Variants in LRMDA observed in about 807,000 individuals in gnomAD.
LRMDA encodes leucine-rich melanocyte differentiation-associated protein.
Under a neutral mutation model 29.8 loss-of-function variants are expected in LRMDA, and 18 were observed. The observed-to-expected ratio is 0.60, with a 90% CI of 0.42 to 0.90. The LOEUF is 0.90. Ranked by LOEUF, LRMDA falls within the 40% of genes least tolerant of loss-of-function variation. LRMDA has a pLI of 0.00. For synonymous variants in LRMDA, 125 were observed against 109.4 expected (o/e 1.14, Z -0.89); for missense variants, 273 against 273.9 (o/e 1.00, Z 0.02).
intron 2 of LRMDA, among the ~76,000 whole-genome samples, chr10:75,618,731 G>GA (rs898790046): frequency 6.8e-6 from 1 of 147,486 alleles, no homozygotes; most frequent in Non-Finnish European, 1.5e-5. Context: ...TAGTAAGCTA[G>GA]AAAAAAGAAA....
At chr10:76,000,074 T>C (rs1453577894) in intron 2 of LRMDA, among the ~76,000 whole-genome samples, 1 of 152,178 alleles carries the variant, frequency 6.6e-6, no homozygotes, top group Admixed American at 6.6e-5. Context: ...GGGATTGAAA[T>C]GGAAAGAAAT....
chr10:75,868,656 T>C (rs1845059256), intron 2 of LRMDA, among the ~76,000 whole-genome samples: 1 of 152,244 alleles, frequency 6.6e-6, no homozygotes, highest in South Asian at 2.1e-4. Flanking sequence ...TGATGTTGGC[T>C]GGGCATTCCT....
chr10:76,091,659 C>T (rs920205786), intron 5 of LRMDA, among the ~76,000 whole-genome samples: 1 of 151,988 alleles, frequency 6.6e-6, no homozygotes, highest in East Asian at 1.9e-4. Context: ...CCATGCATCC[C>T]CCTCCCACCA....
intron 2 of LRMDA, among the ~76,000 whole-genome samples, chr10:75,646,659 A>G (rs1017469090): frequency 4.6e-5 from 7 of 152,234 alleles, no homozygotes; most frequent in African/African-American, 1.4e-4. Flanking sequence ...GTAAAAAATA[A>G]TCAGCCCCCT....
In LRMDA at chr10:75,644,140, C is replaced by A. The variant is rs185425300; in HGVS notation, c.131+205646C>A. Among the ~76,000 whole-genome samples the A allele has an allele frequency of 4.3e-3, 660 of 152,216 alleles. 1 individual carries two copies. The highest frequency in any genetic ancestry group is 7.6e-3 in the Admixed American group (117 of 15,300). Reference sequence around the variant, plus strand: ...AACACTTGTAGCTTCCCTCTTATCCCAAGACAGGGATTAAGATAGAATGGA... The same window carrying A: ...AACACTTGTAGCTTCCCTCTTATCCAAAGACAGGGATTAAGATAGAATGGA... On this transcript the variant is annotated intron_variant, in intron 2 of 6. Coordinates refer to ENST00000611255, the MANE Select transcript of LRMDA (RefSeq NM_001305581.2).
chr10:75,669,855 C>G (rs1841869787), intron 2 of LRMDA, among the ~76,000 whole-genome samples: 1 of 152,152 alleles, frequency 6.6e-6, no homozygotes. Context: ...TTATGGTTAG[C>G]AATCCAAAGA....
intron 5 of LRMDA, among the ~76,000 whole-genome samples, chr10:76,138,887 T>C (rs1303298034): frequency 6.6e-6 from 1 of 152,184 alleles, no homozygotes; most frequent in Non-Finnish European, 1.5e-5. Context: ...ATCAAGGAAA[T>C]AATTTTGGCT....
intron 2 of LRMDA, among the ~76,000 whole-genome samples, chr10:75,934,324 G>A (rs1204385140): frequency 6.6e-6 from 1 of 152,102 alleles, no homozygotes; most frequent in Admixed American, 6.5e-5. Flanking sequence ...GATGGAGACA[G>A]CAATTAAATA....
chr10:76,165,253 G>A (rs561998145), intron 5 of LRMDA, among the ~76,000 whole-genome samples: 4 of 152,302 alleles, frequency 2.6e-5, no homozygotes, highest in South Asian at 2.1e-4. Flanking sequence ...GATTACAGGC[G>A]TGAGACGCCA....
intron 2 of LRMDA, among the ~76,000 whole-genome samples, chr10:75,543,703 TTTTA>T (rs1376402981): frequency 1.3e-5 from 2 of 152,168 alleles, no homozygotes; most frequent in African/African-American, 4.8e-5. Flanking sequence ...AAAGATTTAT[TTTTA>T]TTTTTTTCCT....
intron 2 of LRMDA, among the ~76,000 whole-genome samples, chr10:75,819,912 GA>G (rs1195792415): frequency 1.3e-5 from 2 of 152,104 alleles, no homozygotes; most frequent in African/African-American, 4.8e-5. Flanking sequence ...AGACGTAGTA[GA>G]AAAAAGGATG....
At chr10:75,432,403 G>A (rs760460325) in intron 1 of LRMDA, among the ~76,000 whole-genome samples, 2 of 152,250 alleles carry the variant, frequency 1.3e-5, no homozygotes, top group African/African-American at 4.8e-5. Flanking sequence ...CAACACGCCA[G>A]TTTCAATCCT....
chr10:76,120,672 T>G (rs987098560), intron 5 of LRMDA, among the ~76,000 whole-genome samples: 2 of 152,152 alleles, frequency 1.3e-5, no homozygotes, highest in Admixed American at 1.3e-4. Context: ...CAAAACAGTA[T>G]GTGCTGATCC....
intron 2 of LRMDA, among the ~76,000 whole-genome samples, chr10:75,977,396 A>C (rs1847092020): frequency 6.6e-6 from 1 of 152,146 alleles, no homozygotes; most frequent in Non-Finnish European, 1.5e-5. Flanking sequence ...GGGAAATATG[A>C]GTTAACTCCA....
intron 2 of LRMDA, among the ~76,000 whole-genome samples, chr10:75,994,471 C>T (rs1394405204): frequency 1.3e-5 from 2 of 152,332 alleles, no homozygotes; most frequent in African/African-American, 4.8e-5. Flanking sequence ...ATCCTGCAAT[C>T]AGTGGGCTTT....
chr10:75,829,178 T>C (rs1263605754), intron 2 of LRMDA, among the ~76,000 whole-genome samples: 1 of 152,130 alleles, frequency 6.6e-6, no homozygotes, highest in Non-Finnish European at 1.5e-5. Context: ...GAGATGATGT[T>C]CCAGAAGAAT....
chr10:76,423,262 G>T (rs1338931620), intron 6 of LRMDA, among the ~76,000 whole-genome samples: 2 of 152,130 alleles, frequency 1.3e-5, no homozygotes, highest in African/African-American at 4.8e-5. Context: ...GAGTGTGATG[G>T]TGCACACCTC....
At chr10:76,487,394 T>C (rs960285480) in intron 6 of LRMDA, among the ~76,000 whole-genome samples, 3 of 151,832 alleles carry the variant, frequency 2.0e-5, no homozygotes, top group African/African-American at 7.2e-5. Flanking sequence ...GAGATATTAT[T>C]GAGGTAAGGA....
At chr10:75,751,901 T>A (rs7090616) in intron 2 of LRMDA, among the ~76,000 whole-genome samples, 13,554 of 152,162 alleles carry the variant, frequency 0.089, 1,690 homozygotes, top group African/African-American at 0.28. Context: ...CAGGCAAGGC[T>A]TGGGCTGGCA....
Sources: allele counts gnomAD v4.1 joint callset (sites outside exome capture counted in the v4.1 genomes callset), GRCh38; gene constraint gnomAD v4.1.1; transcripts MANE v1.5; gene names NCBI Gene and HGNC (gene_info 2026-07-23, HGNC 2026-07-21).